Variants in PCDH15 observed in about 807,000 individuals in gnomAD.
The protein encoded by PCDH15 is protocadherin-15.
PCDH15 carries 129 observed loss-of-function variants against 178.5 expected under a neutral mutation model. That is an observed-to-expected ratio of 0.72 (90% CI 0.63 to 0.84). PCDH15 has a LOEUF of 0.84. Ranked by LOEUF, PCDH15 falls within the 40% of genes least tolerant of loss-of-function variation. PCDH15 has a pLI of 0.00. For synonymous variants in PCDH15, 800 were observed against 732.0 expected, an observed-to-expected ratio of 1.09 and a Z score of -1.50; for missense variants, 2,230 against 2,099.9, an observed-to-expected ratio of 1.06 and a Z score of -1.21.
chr10:54,760,716 T>G (rs1947769497), intron 1 of PCDH15, among the ~76,000 whole-genome samples: 1 of 152,180 alleles, frequency 6.6e-6, no homozygotes. Flanking sequence ...GAATTAAATG[T>G]TGATTTTAGC....
At position 55,334,310 on chromosome 10, in the gene PCDH15, A is replaced by T. The variant is rs1201029433; in HGVS notation, c.-155-167659T>A. 7.7e-3 allele frequency among the ~76,000 whole-genome samples: 973 copies of T among 125,868 alleles called. 44 individuals carry two copies. The highest frequency in any genetic ancestry group is 0.027 in the African/African-American group (780 of 28,554). 82.6% of individuals were successfully genotyped at this position (125,868 alleles called of 152,430 possible). A position where few individuals can be genotyped will look rare whatever the true frequency, so the allele number is the denominator to read the frequency against. ...TATGTGTATATATCTATATATATAT[A>T]TATATTTTTTTTTTGAGACAGAGTT... On this transcript the variant is annotated intron_variant, in intron 2 of 5. Coordinates refer to the PCDH15 transcript ENST00000613346.
intron 13 of PCDH15, among the ~76,000 whole-genome samples, chr10:54,165,811 A>G (rs2046167136): frequency 6.6e-6 from 1 of 152,212 alleles, no homozygotes; most frequent in Non-Finnish European, 1.5e-5. Flanking sequence ...GGATCCATTT[A>G]TTCAGACCTT....
At chr10:53,839,085 T>C (rs890159344) in intron 29 of PCDH15, among the ~76,000 whole-genome samples, 1 of 151,256 alleles carries the variant, frequency 6.6e-6, no homozygotes, top group South Asian at 2.1e-4. Context: ...GCGCCTGTAG[T>C]CCTAGCTTCT....
intron 20 of PCDH15, among the ~76,000 whole-genome samples, chr10:54,014,759 C>T (rs1026800247): frequency 4.6e-5 from 7 of 152,164 alleles, no homozygotes; most frequent in Admixed American, 2.6e-4. Flanking sequence ...AAGGAACATA[C>T]TTTAAAATAA....
intron 2 of PCDH15, among the ~76,000 whole-genome samples, chr10:54,655,255 AAAG>A (rs1565865200): frequency 1.5e-5 from 1 of 67,456 alleles, no homozygotes; most frequent in East Asian, 4.4e-4. Flanking sequence ...AGAAAGAAAG[AAAG>A]AGAGAGAGAG....
intron 20 of PCDH15, among the ~76,000 whole-genome samples, chr10:54,004,426 C>CACACACACACACACACA (rs35001487): frequency 1.7e-4 from 16 of 96,934 alleles, no homozygotes; most frequent in African/African-American, 4.1e-4. Context: ...CACACACACA[C>CACACACACACACACACA]CACACAAAGT....
chr10:55,571,831 G>T (rs575502985), intron 2 of PCDH15, among the ~76,000 whole-genome samples: 1 of 152,108 alleles, frequency 6.6e-6, no homozygotes, highest in African/African-American at 2.4e-5. Context: ...GATTAAGTAT[G>T]CCAACTTGCC....
At chr10:54,182,132 A>T (rs535390257) in intron 13 of PCDH15, among the ~76,000 whole-genome samples, 74 of 152,070 alleles carry the variant, frequency 4.9e-4, no homozygotes, top group Middle Eastern at 3.4e-3. Flanking sequence ...TAATTTTTTT[A>T]AAAATTTTTA....
At chr10:54,595,117 G>A (rs1317326333) in intron 2 of PCDH15, among the ~76,000 whole-genome samples, 1 of 152,168 alleles carries the variant, frequency 6.6e-6, no homozygotes, top group Non-Finnish European at 1.5e-5. Context: ...TCTTCCATGT[G>A]GATGGAGGAT....
intron 26 of PCDH15, among the ~76,000 whole-genome samples, chr10:53,877,638 C>A (rs558763359): frequency 6.6e-6 from 1 of 152,246 alleles, no homozygotes; most frequent in South Asian, 2.1e-4. Flanking sequence ...TTGGCTCCCA[C>A]CTTGCTGTCC....
At chr10:54,330,023 CCT>C (rs1225689230) in intron 6 of PCDH15, among the ~76,000 whole-genome samples, 1 of 151,774 alleles carries the variant, frequency 6.6e-6, no homozygotes, top group East Asian at 1.9e-4. Context: ...GAAAAACTTC[CCT>C]GTTACCACAT....
chr10:54,757,670 T>C (rs901270250), intron 1 of PCDH15, among the ~76,000 whole-genome samples: 1 of 152,116 alleles, frequency 6.6e-6, no homozygotes, highest in Non-Finnish European at 1.5e-5. Context: ...CCACCAACAA[T>C]GACAAGTAAG....
chr10:55,285,790 A>T (rs1289849058), intron 1 of PCDH15, among the ~76,000 whole-genome samples: 1 of 151,890 alleles, frequency 6.6e-6, no homozygotes, highest in Admixed American at 6.6e-5. Context: ...GTTAATAGAA[A>T]ATAAGACACA....
intron 15 of PCDH15, among the ~76,000 whole-genome samples, chr10:54,122,737 G>T (rs927945333): frequency 1.3e-4 from 19 of 151,992 alleles, no homozygotes; most frequent in Non-Finnish European, 2.9e-5. Context: ...ATCTGTAGGA[G>T]TTCTATACAC....
intron 25 of PCDH15, among the ~76,000 whole-genome samples, chr10:53,928,970 G>T (rs1043305284): frequency 6.6e-6 from 1 of 152,002 alleles, no homozygotes; most frequent in South Asian, 2.1e-4. Context: ...ATAAGAAGGA[G>T]AACTATTTTA....
At chr10:54,138,895 A>C (rs1002445092) in intron 14 of PCDH15, among the ~76,000 whole-genome samples, 1 of 152,070 alleles carries the variant, frequency 6.6e-6, no homozygotes, top group African/African-American at 2.4e-5. Flanking sequence ...ATGTATGTTC[A>C]TGTATTACGT....
intron 3 of PCDH15, among the ~76,000 whole-genome samples, chr10:54,504,312 C>T (rs2080981797): frequency 6.6e-6 from 1 of 152,118 alleles, no homozygotes; most frequent in Admixed American, 6.6e-5. Flanking sequence ...TCCCTGCCAA[C>T]TTGGTCTTTT....
chr10:55,014,587 T>G (rs1047045356), intron 2 of PCDH15, among the ~76,000 whole-genome samples: 1 of 152,170 alleles, frequency 6.6e-6, no homozygotes, highest in Admixed American at 6.5e-5. Context: ...AATAAAAATA[T>G]ATTTTAGAAA....
chr10:54,779,090 T>G (rs1950002100), intron 1 of PCDH15, among the ~76,000 whole-genome samples: 1 of 152,032 alleles, frequency 6.6e-6, no homozygotes. Flanking sequence ...CCCTTTTAAG[T>G]TGCAGGACTA....
Sources: allele counts gnomAD v4.1 joint callset (sites outside exome capture counted in the v4.1 genomes callset), GRCh38; gene constraint gnomAD v4.1.1; transcripts MANE v1.5; gene names NCBI Gene and HGNC (gene_info 2026-07-23, HGNC 2026-07-21).